USP34: variants seen among roughly 807,000 people sequenced by gnomAD.
USP34 encodes the protein ubiquitin carboxyl-terminal hydrolase 34.
In USP34, 70 loss-of-function variants were observed where a neutral mutation model predicts 460.3. That is an observed-to-expected ratio of 0.15 (90% CI 0.13 to 0.19). USP34 has a LOEUF of 0.19. Among genes scored for constraint, USP34 ranks in the 10% least tolerant of loss-of-function variants. The pLI is 1.00. For synonymous variants in USP34, 1,647 were observed against 1,405.3 expected (o/e 1.17, Z -3.85); for missense variants, 3,985 against 4,236.2 (o/e 0.94, Z 1.65).
chr2:61,448,544 T>G (rs7559728), intron 1 of USP34, among the ~76,000 whole-genome samples: 5,096 of 152,272 alleles, frequency 0.033, 289 homozygotes, highest in African/African-American at 0.12. Flanking sequence ...GATCATACTT[T>G]GATAACCACT....
chr2:61,462,162 C>T (rs1034916744), intron 1 of USP34, among the ~76,000 whole-genome samples: 4 of 151,638 alleles, frequency 2.6e-5, no homozygotes, highest in African/African-American at 9.7e-5. Context: ...TCGCTTGAAC[C>T]CGGGAGGCGG....
intron 20 of USP34, among the ~76,000 whole-genome samples, chr2:61,328,137 T>C (rs528006267): frequency 2.2e-4 from 34 of 151,982 alleles, no homozygotes; most frequent in African/African-American, 7.7e-4. Context: ...ACCTTGTCTC[T>C]ACTAAAAAGC....
chr2:61,421,795 ACACGCG>A (rs1291170970), intron 1 of USP34, among the ~76,000 whole-genome samples: 21 of 143,476 alleles, frequency 1.5e-4, no homozygotes, highest in Non-Finnish European at 3.1e-4. Flanking sequence ...ACACACACAC[ACACGCG>A]CGCGCGCGCA....
intron 8 of USP34, among the ~76,000 whole-genome samples, chr2:61,374,837 G>C (rs1692742889): frequency 6.6e-6 from 1 of 152,112 alleles, no homozygotes; most frequent in Non-Finnish European, 1.5e-5. Flanking sequence ...CCAAAGTGCT[G>C]GGATTACAGG....
intron 1 of USP34, among the ~76,000 whole-genome samples, chr2:61,459,685 G>A (rs1026043779): frequency 3.3e-5 from 5 of 151,510 alleles, no homozygotes; most frequent in Non-Finnish European, 5.9e-5. Context: ...GCTGAGGCAG[G>A]AGAATCGCTT....
intron 65 of USP34, 26 bp from the exon 66 acceptor site, chr2:61,221,632 A>T: frequency 6.3e-7 from 1 of 1,596,524 alleles, no homozygotes; most frequent in Non-Finnish European, 8.6e-7. Flanking sequence ...ATGACTGTGT[A>T]TTTAGATCAA....
At chr2:61,322,123 G>A (rs562211210) in intron 21 of USP34, among the ~76,000 whole-genome samples, 34 of 152,180 alleles carry the variant, frequency 2.2e-4, no homozygotes, top group African/African-American at 7.9e-4. Flanking sequence ...CCAGCTACTC[G>A]GGAGGCTGAG....
intron 1 of USP34, among the ~76,000 whole-genome samples, chr2:61,425,914 T>C (rs1694497636): frequency 2.6e-5 from 4 of 151,826 alleles, no homozygotes; most frequent in Non-Finnish European, 4.4e-5. Context: ...GGGGGGACTC[T>C]CTTGCATCTT....
At chr2:61,454,783 A>G (rs890605057) in intron 1 of USP34, among the ~76,000 whole-genome samples, 1 of 149,826 alleles carries the variant, frequency 6.7e-6, no homozygotes, top group Non-Finnish European at 1.5e-5. Context: ...TCCTGACCTC[A>G]CGTGATCCGC....
intron 1 of USP34, among the ~76,000 whole-genome samples, chr2:61,431,938 TAAC>T (rs905442173): frequency 3.9e-5 from 6 of 152,142 alleles, no homozygotes; most frequent in Non-Finnish European, 7.4e-5. Context: ...ATGCTTGAGA[TAAC>T]AATAATTACC....
chr2:61,282,156 A>C (rs1558508150), intron 37 of USP34, among the ~76,000 whole-genome samples: 2 of 151,760 alleles, frequency 1.3e-5, no homozygotes, highest in Non-Finnish European at 2.9e-5. Context: ...TACCCAGCTA[A>C]TTTTTTGTAT....
intron 58 of USP34, among the ~76,000 whole-genome samples, chr2:61,231,207 A>C (rs1195112154): frequency 6.6e-6 from 1 of 152,148 alleles, no homozygotes; most frequent in East Asian, 1.9e-4. Context: ...ATAAAGATAG[A>C]AAGTAGACTA....
intron 67 of USP34, among the ~76,000 whole-genome samples, chr2:61,215,524 A>G (rs1050642084): frequency 6.6e-6 from 1 of 152,234 alleles, no homozygotes; most frequent in African/African-American, 2.4e-5. Flanking sequence ...TAGTTGCGCT[A>G]ACCTGTAAAA....
Position 61,256,969 on chromosome 2 carries a change from AAATT to A in USP34, c.6049-23_6049-20del, listed in dbSNP as rs1558494493. 6.9e-7 allele frequency: 1 copy of A among 1,457,972 alleles called. No homozygotes were observed. The highest frequency in any genetic ancestry group is 9.1e-7 in the Non-Finnish European group (1 of 1,104,948). The allele number at this position is 1,457,972 out of a possible 1,614,324, so 90.3% of individuals were successfully genotyped here. A position where few individuals can be genotyped will look rare whatever the true frequency, so the allele number is the denominator to read the frequency against. On this transcript the variant is annotated intron_variant, in intron 46 of 79. Transcript: ENST00000398571. ...CACAATCCTAATCAATACACATAAA[AAATT>A]AATAAAAACTAGTAAATTATAATAT...
intron 10 of USP34, among the ~76,000 whole-genome samples, chr2:61,363,191 T>C (rs1214062984): frequency 6.6e-6 from 1 of 152,138 alleles, no homozygotes; most frequent in Non-Finnish European, 1.5e-5. Context: ...GCTGAATTTT[T>C]TTTCAAAATG....
chr2:61,270,555 C>G (rs564166528), intron 41 of USP34, among the ~76,000 whole-genome samples: 2 of 152,308 alleles, frequency 1.3e-5, no homozygotes, highest in African/African-American at 4.8e-5. Flanking sequence ...CGTGCCTCAG[C>G]CTCCCGAGTA....
In USP34 at chr2:61,190,551, A is replaced by G. The variant is rs765803668; in HGVS notation, c.9696T>C (p.Ile3232=). Residue 3232 remains isoleucine (I), a synonymous_variant, in exon 77 of 80, where the codon ATT becomes ATC. Transcript: ENST00000398571. ...MDERTFLNNN[I]VYTFMTHFLL... is the part of the protein sequence containing the mutation. ...GGAAATGTGTCATGAACGTGTAGAC[A>G]ATGTTGTTGTTTAAAAAAGTTCTTT... is the stretch of plus-strand genomic sequence containing the variant. 5.0e-6 allele frequency: 8 copies of G among 1,613,984 alleles called. No homozygotes were observed. The highest frequency in any genetic ancestry group is 5.9e-6 in the Non-Finnish European group (7 of 1,179,998).
At chr2:61,372,364 A>G (rs1424242840) in intron 8 of USP34, among the ~76,000 whole-genome samples, 1 of 152,216 alleles carries the variant, frequency 6.6e-6, no homozygotes, top group African/African-American at 2.4e-5. Flanking sequence ...TCTGATTTAC[A>G]TAATAGTTCA....
In USP34 at chr2:61,236,267, A is replaced by G. The variant is rs1301729604; in HGVS notation, c.6843-31T>C. On this transcript the variant is annotated intron_variant, in intron 54 of 79. Coordinates refer to ENST00000398571, the MANE Select transcript of USP34 (RefSeq NM_014709.4). Reference sequence around the variant, plus strand: ...ATTTAAAAATAATCATTTAAAATTCACACGTAAGATTTTTTTAAAATGTGT... The same window carrying G: ...ATTTAAAAATAATCATTTAAAATTCGCACGTAAGATTTTTTTAAAATGTGT... 1.9e-6 allele frequency: 3 copies of G among 1,596,632 alleles called. No individual in the cohort carries two copies. In the African/African-American group the frequency reaches 4.1e-5, roughly 22 times the overall value.
Sources: gnomAD v4.1 joint callset for allele counts (sites outside exome capture counted in the v4.1 genomes callset) on GRCh38, gnomAD v4.1.1 for gene constraint, MANE v1.5 for transcripts, NCBI Gene and HGNC (gene_info 2026-07-23, HGNC 2026-07-21) for gene names.